Variants in MIGA1 observed in about 807,000 individuals in gnomAD.
MIGA1 encodes the protein family with sequence similarity 73, member A.
Under a neutral mutation model 82.0 loss-of-function variants are expected in MIGA1, and 58 were observed. The ratio of observed to expected loss-of-function variants is 0.71; its 90% CI spans 0.57 to 0.88. The LOEUF (loss-of-function observed/expected upper bound fraction) is 0.88. Among genes scored for constraint, MIGA1 ranks in the 40% least tolerant of loss-of-function variants. The pLI is 0.00. For synonymous variants in MIGA1, 249 were observed against 253.6 expected, an observed-to-expected ratio of 0.98 and a Z score of 0.17; for missense variants, 751 against 749.1, an observed-to-expected ratio of 1.00 and a Z score of -0.03.
intron 14 of MIGA1, among the ~76,000 whole-genome samples, chr1:77,869,739 C>CCG (rs1553229041): frequency 4.7e-5 from 3 of 63,530 alleles, no homozygotes; most frequent in South Asian, 1.2e-3. Flanking sequence ...GGCTGGCCGA[C>CCG]CCCCCCCCCG....
At chr1:77,781,395 A>C (rs111941018) in intron 1 of MIGA1, among the ~76,000 whole-genome samples, 1 of 152,192 alleles carries the variant, frequency 6.6e-6, no homozygotes, top group African/African-American at 2.4e-5. Context: ...TAATTAGTAA[A>C]AATGTTTCTC....
Position 77,874,858 on chromosome 1 carries a change from T to A in MIGA1, c.1693T>A (p.Leu565Ile). The A allele has an allele frequency of 6.2e-7, 1 of 1,613,146 alleles. No individual in the cohort carries two copies. The change falls in exon 16 of 16, where the codon TTA becomes ATA. Residue 565 changes from leucine (L) to isoleucine (I), a missense_variant. Leu to Ile is a conservative substitution (Grantham distance 5). Transcript: ENST00000370791. ...GTTCATTTTCCAGAATCAAGTTCTT[T>A]TATTTCTCAAAGACATTTTTGACTT...
At chr1:77,840,292 A>G (rs1009774180) in intron 7 of MIGA1, among the ~76,000 whole-genome samples, 3 of 152,024 alleles carry the variant, frequency 2.0e-5, no homozygotes, top group African/African-American at 7.2e-5. Flanking sequence ...GAAGTGAGCC[A>G]TTTTTCTTTG....
intron 7 of MIGA1, among the ~76,000 whole-genome samples, chr1:77,826,674 C>G (rs1684037790): frequency 6.6e-6 from 1 of 152,192 alleles, no homozygotes; most frequent in African/African-American, 2.4e-5. Flanking sequence ...CAGGATCTCA[C>G]TATGTTGCCA....
chr1:77,817,153 T>C (rs1195744809), intron 7 of MIGA1, among the ~76,000 whole-genome samples: 1 of 152,210 alleles, frequency 6.6e-6, no homozygotes, highest in African/African-American at 2.4e-5. Flanking sequence ...TATATCCTTC[T>C]GTAGAGGTTG....
intron 2 of MIGA1, among the ~76,000 whole-genome samples, chr1:77,783,702 A>G (rs2101679434): frequency 6.6e-6 from 1 of 152,342 alleles, no homozygotes; most frequent in South Asian, 2.1e-4. Context: ...AAAATTGACC[A>G]TTTTGATCAT....
chr1:77,878,703 T>C lies in MIGA1; in HGVS notation c.*3639T>C. On this transcript the variant is annotated 3_prime_UTR_variant, in exon 16 of 16. Transcript: ENST00000370791. ...ATTTCTTTTAATTTCATTTTTTGTA[T>C]TTTAATTTCCCTACATTTTTGTTCA... 2.7e-6 allele frequency: 1 copy of C among 368,084 alleles called. No individual in the cohort carries two copies. Among genetic ancestry groups the C allele is most frequent in the Admixed American group, 4.6e-5 (1 of 21,510 alleles). The allele number at this position is 368,084 out of a possible 1,614,324, so 22.8% of individuals were successfully genotyped here.
chr1:77,826,809 C>CT (rs937425038), intron 7 of MIGA1, among the ~76,000 whole-genome samples: 114 of 146,354 alleles, frequency 7.8e-4, no homozygotes, highest in African/African-American at 1.4e-3. Flanking sequence ...CAAAAAGAGC[C>CT]TTTTTTTTTT....
intron 5 of MIGA1, among the ~76,000 whole-genome samples, chr1:77,812,101 C>T (rs1683362167): frequency 6.6e-6 from 1 of 151,956 alleles, no homozygotes; most frequent in African/African-American, 2.4e-5. Flanking sequence ...ATTGCTTGAG[C>T]CCAGGAGTTT....
At chr1:77,872,875 TG>T in intron 14 of MIGA1, 128 bp from the exon 15 acceptor site, 1 of 1,141,510 alleles carries the variant, frequency 8.8e-7, no homozygotes, top group Non-Finnish European at 1.3e-6. Flanking sequence ...TGCTAGACTC[TG>T]GTTCTAAAAA....
At chr1:77,854,494 C>T (rs1054581433) in intron 8 of MIGA1, among the ~76,000 whole-genome samples, 1 of 152,158 alleles carries the variant, frequency 6.6e-6, no homozygotes, top group African/African-American at 2.4e-5. Flanking sequence ...TCCATAGTGG[C>T]TATACTAGTT....
chr1:77,874,829 T>A lies in MIGA1; in HGVS notation c.1681-17T>A. On this transcript the variant is annotated splice_polypyrimidine_tract_variant and intron_variant, in intron 15 of 15. Transcript: ENST00000370791. ...TAATTTTGGTCTAATAAATGCCAAT[T>A]TATGTTCATTTTCCAGAATCAAGTT... is the stretch of plus-strand genomic sequence containing the variant. 6.3e-7 allele frequency: 1 copy of A among 1,594,104 alleles called. No individual in the cohort carries two copies. The highest frequency in any genetic ancestry group is 8.6e-7 in the Non-Finnish European group (1 of 1,164,092).
At chr1:77,783,372 G>A in intron 2 of MIGA1, 21 bp downstream of exon 2, 1 of 1,429,750 alleles carries the variant, frequency 7.0e-7, no homozygotes, top group Non-Finnish European at 9.7e-7. Flanking sequence ...GAAGCAAACA[G>A]GAAGTTGAAT....
chr1:77,829,202 T>C (rs1015101351), intron 7 of MIGA1, among the ~76,000 whole-genome samples: 3 of 152,138 alleles, frequency 2.0e-5, no homozygotes, highest in African/African-American at 7.2e-5. Context: ...GGAGGATTGC[T>C]TGAGGCCAAG....
chr1:77,783,238 A>G lies in MIGA1; in HGVS notation c.82A>G (p.Ile28Val). 6.3e-7 allele frequency: 1 copy of G among 1,575,316 alleles called. No homozygotes were observed. Among genetic ancestry groups the G allele is most frequent in the Non-Finnish European group, 8.7e-7 (1 of 1,152,754 alleles). Residue 28 changes from isoleucine (I) to valine (V), a missense_variant and splice_region_variant, in exon 2 of 16, where the codon ATT (isoleucine) becomes GTT (valine). Transcript: ENST00000370791. The stretch of plus-strand genomic sequence containing the variant: ...TTTTTTTATGTTTCATTTAATGAAG[A>G]TTAGAAGAGGAGCCATGTCAGAAGA...
At chr1:77,862,722 C>G (rs1247475512) in intron 12 of MIGA1, among the ~76,000 whole-genome samples, 2 of 151,820 alleles carry the variant, frequency 1.3e-5, no homozygotes, top group African/African-American at 4.8e-5. Context: ...GGGCAGATCA[C>G]TTGAGGCCAG....
intron 7 of MIGA1, among the ~76,000 whole-genome samples, chr1:77,829,717 C>T (rs1257575074): frequency 6.6e-6 from 1 of 152,116 alleles, no homozygotes; most frequent in African/African-American, 2.4e-5. Flanking sequence ...GTGATCCTCC[C>T]ATCTCGGCCT....
At chr1:77,860,233 G>A in intron 11 of MIGA1, 107 bp downstream of exon 11, 3 of 707,860 alleles carry the variant, frequency 4.2e-6, no homozygotes, top group Non-Finnish European at 7.1e-6. Flanking sequence ...AATTTTTGTG[G>A]ATAGTTGAAA....
chr1:77,780,033 G>A (rs1681832499), intron 1 of MIGA1: 3 of 1,170,794 alleles, frequency 2.6e-6, no homozygotes, highest in South Asian at 4.9e-5. Context: ...AGGAAGCGCG[G>A]AATTGGGATG....
Sources: allele counts gnomAD v4.1 joint callset (sites outside exome capture counted in the v4.1 genomes callset), GRCh38; gene constraint gnomAD v4.1.1; transcripts MANE v1.5; gene names NCBI Gene and HGNC (gene_info 2026-07-23, HGNC 2026-07-21).